The following LRFN5 variants were observed in gnomAD, a reference collection of about 807,000 sequenced individuals.
LRFN5 encodes the protein leucine rich repeat and fibronectin type III domain containing 5.
A neutral mutation model predicts 45.6 loss-of-function variants in LRFN5; 24 were observed. The observed-to-expected ratio is 0.53, with a 90% confidence interval of 0.38 to 0.74. The LOEUF (loss-of-function observed/expected upper bound fraction) is 0.74, where lower values mean the gene tolerates loss of function less well. Among genes scored for constraint, LRFN5 ranks in the 30% least tolerant of loss-of-function variants. The pLI, the probability that LRFN5 is intolerant of heterozygous loss-of-function variation, is 0.00. For synonymous variants in LRFN5, 340 were observed against 313.8 expected, an observed-to-expected ratio of 1.08 and a Z score of -0.88; for missense variants, 776 against 861.5, an observed-to-expected ratio of 0.90 and a Z score of 1.24.
intron 1 of LRFN5, among the ~76,000 whole-genome samples, chr14:41,666,838 C>G (rs935840150): frequency 1.6e-4 from 25 of 152,140 alleles, no homozygotes; most frequent in Admixed American, 1.6e-3. Context: ...GGAGGGAAGG[C>G]TATGCAACAG....
At chr14:41,637,967 A>C (rs1241133906) in intron 1 of LRFN5, among the ~76,000 whole-genome samples, 1 of 152,070 alleles carries the variant, frequency 6.6e-6, no homozygotes, top group Admixed American at 6.6e-5. Flanking sequence ...CTTGGATTTA[A>C]TATAAAAACA....
intron 2 of LRFN5, among the ~76,000 whole-genome samples, chr14:41,775,144 G>A (rs954652146): frequency 7.4e-6 from 1 of 135,298 alleles, no homozygotes; most frequent in Non-Finnish European, 1.5e-5. Flanking sequence ...AGGCTGGAGT[G>A]CAGTGGCGCG....
At chr14:41,777,116 A>G (rs546677141) in intron 2 of LRFN5, among the ~76,000 whole-genome samples, 17 of 151,870 alleles carry the variant, frequency 1.1e-4, no homozygotes, top group Admixed American at 7.9e-4. Flanking sequence ...ATATGTCTCA[A>G]TAGATTGTGG....
intron 2 of LRFN5, among the ~76,000 whole-genome samples, chr14:41,805,804 G>A (rs1295726285): frequency 6.6e-6 from 1 of 152,240 alleles, no homozygotes; most frequent in Middle Eastern, 3.4e-3. Flanking sequence ...ACAAACGTAG[G>A]AGCTGAGTGA....
At position 41,633,564 on chromosome 14, in the gene LRFN5, C is replaced by T. The variant is rs183380011; in HGVS notation, c.-197+25002C>T. 2.6e-5 allele frequency among the ~76,000 whole-genome samples: 4 copies of T among 152,220 alleles called. No individual in the cohort carries two copies. In the East Asian group the frequency reaches 7.7e-4, roughly 29 times the overall value. ...TCTGCTAACATCAGTTGCAAACAGA[C>T]TTGATGTCAGTGCCTGTTTTGTCTA... On this transcript the variant is annotated intron_variant, in intron 1 of 5. Coordinates refer to ENST00000298119, the MANE Select transcript of LRFN5 (RefSeq NM_152447.5).
At chr14:41,875,455 G>A (rs1890155562) in intron 2 of LRFN5, among the ~76,000 whole-genome samples, 1 of 152,228 alleles carries the variant, frequency 6.6e-6, no homozygotes, top group Admixed American at 6.5e-5. Flanking sequence ...TTTACTGGTA[G>A]GATCCATGGG....
intron 1 of LRFN5, among the ~76,000 whole-genome samples, chr14:41,652,782 G>T (rs778047239): frequency 2.0e-5 from 3 of 152,130 alleles, no homozygotes; most frequent in Non-Finnish European, 4.4e-5. Flanking sequence ...CCTATCAACA[G>T]TGTATAAGCA....
intron 1 of LRFN5, among the ~76,000 whole-genome samples, chr14:41,751,622 G>A (rs1566652033): frequency 6.6e-6 from 1 of 151,932 alleles, no homozygotes; most frequent in Non-Finnish European, 1.5e-5. Context: ...CACACTCTGA[G>A]GATGCAGAGA....
At chr14:41,638,325 A>T (rs187391365) in intron 1 of LRFN5, among the ~76,000 whole-genome samples, 1 of 152,174 alleles carries the variant, frequency 6.6e-6, no homozygotes, top group African/African-American at 2.4e-5. Context: ...GAGCTGTGCA[A>T]TTCTCCTTAG....
intron 1 of LRFN5, among the ~76,000 whole-genome samples, chr14:41,697,782 A>G (rs1246327574): frequency 5.3e-5 from 8 of 151,460 alleles, no homozygotes; most frequent in Non-Finnish European, 1.0e-4. Context: ...ATGTCTTTGT[A>G]TTTTAAATGA....
At chr14:41,668,610 C>T in intron 1 of LRFN5, among the ~76,000 whole-genome samples, 1 of 152,178 alleles carries the variant, frequency 6.6e-6, no homozygotes, top group East Asian at 1.9e-4. Flanking sequence ...ACCATGACTC[C>T]ATAAAACTTC....
At chr14:41,761,191 C>T (rs1885648531) in intron 1 of LRFN5, among the ~76,000 whole-genome samples, 2 of 150,654 alleles carry the variant, frequency 1.3e-5, no homozygotes, top group South Asian at 2.1e-4. Flanking sequence ...GGTATTATAA[C>T]CATTTAAATA....
Position 41,664,710 on chromosome 14 carries a change from T to C in LRFN5, c.-197+56148T>C, listed in dbSNP as rs750705371. On this transcript the variant is annotated intron_variant, in intron 1 of 5. Coordinates refer to ENST00000298119, the MANE Select transcript of LRFN5 (RefSeq NM_152447.5). ...AAATTTCCTCTCTAATCCAATGACA[T>C]AAACAAAAAAAAGTGGCAAAAAATT... Among the ~76,000 whole-genome samples the C allele has an allele frequency of 3.4e-4, 52 of 151,920 alleles. 1 individual carries two copies. The highest frequency in any genetic ancestry group is 2.2e-3 in the Admixed American group (33 of 15,234).
chr14:41,701,096 T>G (rs1882823484), intron 1 of LRFN5: 1 of 152,174 alleles, frequency 6.6e-6, no homozygotes, highest in African/African-American at 2.4e-5. Flanking sequence ...GAGTTAATAC[T>G]CATTATATAT....
chr14:41,788,015 C>T (rs963068720), intron 2 of LRFN5, among the ~76,000 whole-genome samples: 1 of 152,058 alleles, frequency 6.6e-6, no homozygotes, highest in African/African-American at 2.4e-5. Context: ...AGTGAGAAGG[C>T]AGCTGTCTGA....
intron 2 of LRFN5, among the ~76,000 whole-genome samples, chr14:41,772,249 A>G (rs1425139353): frequency 6.6e-6 from 1 of 152,188 alleles, no homozygotes; most frequent in Non-Finnish European, 1.5e-5. Flanking sequence ...ACCTCCCACT[A>G]GGCTTCACCT....
chr14:41,817,380 A>G (rs1887957986), intron 2 of LRFN5, among the ~76,000 whole-genome samples: 1 of 152,106 alleles, frequency 6.6e-6, no homozygotes, highest in African/African-American at 2.4e-5. Flanking sequence ...GGTAAATAGA[A>G]ATGCTATGAA....
In LRFN5 at chr14:41,734,062, A is replaced by G. The variant is rs1447797181; in HGVS notation, c.-196-32792A>G. Reference sequence around the variant, plus strand: ...TTTTTTGTGATGGAGTTTCACTCTTATTGCCCAGGCTGGGGTGCAATGGCA... The same window carrying G: ...TTTTTTGTGATGGAGTTTCACTCTTGTTGCCCAGGCTGGGGTGCAATGGCA... On this transcript the variant is annotated intron_variant, in intron 1 of 5. Coordinates refer to ENST00000298119, the MANE Select transcript of LRFN5 (RefSeq NM_152447.5). Among the ~76,000 whole-genome samples the G allele has an allele frequency of 1.8e-4, 19 of 105,822 alleles. No homozygotes were observed. In the Admixed American group the frequency reaches 2.0e-3, roughly 11 times the overall value. 69.4% of individuals were successfully genotyped at this position (105,822 alleles called of 152,430 possible).
intron 1 of LRFN5, among the ~76,000 whole-genome samples, chr14:41,691,373 A>C (rs571315813): frequency 6.6e-6 from 1 of 152,102 alleles, no homozygotes; most frequent in Admixed American, 6.5e-5. Flanking sequence ...TGAATTATAT[A>C]CATGTATATT....
Sources: gnomAD v4.1 joint callset for allele counts (sites outside exome capture counted in the v4.1 genomes callset) on GRCh38, gnomAD v4.1.1 for gene constraint, MANE v1.5 for transcripts, NCBI Gene and HGNC (gene_info 2026-07-23, HGNC 2026-07-21) for gene names.